The following ADGB variants were observed in gnomAD, a reference collection of about 807,000 sequenced individuals.
The protein encoded by ADGB is calpain-7-like protein.
In ADGB, 172 loss-of-function variants were observed where a neutral mutation model predicts 210.5. The observed-to-expected ratio is 0.82, with a 90% CI of 0.72 to 0.93. The LOEUF (loss-of-function observed/expected upper bound fraction) is 0.93. Ranked by LOEUF, ADGB falls within the 40% of genes least tolerant of loss-of-function variation. The pLI is 0.00. For missense variants in ADGB, 2,025 were observed against 1,964.8 expected, an observed-to-expected ratio of 1.03 and a Z score of -0.58; for synonymous variants, 658 against 662.7, an observed-to-expected ratio of 0.99 and a Z score of 0.11.
chr6:146,698,653 T>G (rs1244237563), intron 12 of ADGB, among the ~76,000 whole-genome samples: 1 of 152,188 alleles, frequency 6.6e-6, no homozygotes, highest in East Asian at 1.9e-4. Flanking sequence ...GACAGCTTTA[T>G]AACCAGAAAA....
At chr6:146,673,686 T>G (rs769011040) in intron 8 of ADGB, among the ~76,000 whole-genome samples, 1 of 152,120 alleles carries the variant, frequency 6.6e-6, no homozygotes, top group Non-Finnish European at 1.5e-5. Flanking sequence ...AACTTGACAA[T>G]GATGACTGGT....
intron 27 of ADGB, among the ~76,000 whole-genome samples, chr6:146,761,031 A>G (rs1325525418): frequency 6.6e-6 from 1 of 151,922 alleles, no homozygotes; most frequent in Non-Finnish European, 1.5e-5. Context: ...TGCCAATATG[A>G]TCTTTTAGTC....
At chr6:146,689,264 CTAATTG>C (rs1776270917) in intron 10 of ADGB, among the ~76,000 whole-genome samples, 1 of 152,150 alleles carries the variant, frequency 6.6e-6, no homozygotes, top group Non-Finnish European at 1.5e-5. Flanking sequence ...CCCTCATCCC[CTAATTG>C]TAATCCAAGG....
chr6:146,728,237 C>T (rs970412749), intron 19 of ADGB, among the ~76,000 whole-genome samples: 1 of 152,154 alleles, frequency 6.6e-6, no homozygotes, highest in African/African-American at 2.4e-5. Context: ...TCCCTGAAAT[C>T]TCTGTTCGTC....
At chr6:146,784,135 C>G (rs565171307) in intron 30 of ADGB, among the ~76,000 whole-genome samples, 1 of 152,204 alleles carries the variant, frequency 6.6e-6, no homozygotes, top group African/African-American at 2.4e-5. Flanking sequence ...AGATAATTCC[C>G]GAGTTTATGG....
At chr6:146,748,197 T>C (rs1404246817) in intron 26 of ADGB, among the ~76,000 whole-genome samples, 1 of 151,970 alleles carries the variant, frequency 6.6e-6, no homozygotes, top group Non-Finnish European at 1.5e-5. Context: ...GGCAGCAGTG[T>C]GTTGAATGAA....
intron 13 of ADGB, among the ~76,000 whole-genome samples, chr6:146,706,845 G>GGTT (rs1378595301): frequency 9.9e-6 from 1 of 100,710 alleles, no homozygotes; most frequent in Admixed American, 9.9e-5. Context: ...TCAGCTTAGT[G>GGTT]TTTTTTTTTT....
intron 5 of ADGB, among the ~76,000 whole-genome samples, chr6:146,660,858 T>G (rs1158583852): frequency 1.3e-5 from 2 of 152,194 alleles, no homozygotes; most frequent in African/African-American, 4.8e-5. Flanking sequence ...ATAGAACATT[T>G]ATATTTGATG....
chr6:146,660,813 A>T (rs182211593), intron 5 of ADGB, among the ~76,000 whole-genome samples: 2 of 152,286 alleles, frequency 1.3e-5, no homozygotes, highest in African/African-American at 4.8e-5. Flanking sequence ...TTTGATAAGT[A>T]TATTCAAGTT....
chr6:146,803,838 C>G (rs1778170251), intron 35 of ADGB: 3 of 376,650 alleles, frequency 8.0e-6, no homozygotes, highest in Non-Finnish European at 1.4e-5. Context: ...GCCATTCAAA[C>G]GCGGCCGCGC....
chr6:146,776,341 ATTAAAG>A (rs202226717), intron 29 of ADGB, among the ~76,000 whole-genome samples: 2,404 of 152,230 alleles, frequency 0.016, 32 homozygotes, highest in Middle Eastern at 0.044. Flanking sequence ...AGCTTTACAT[ATTAAAG>A]TTAAACAATC....
chr6:146,806,184 G>C (rs181602427), intron 35 of ADGB, among the ~76,000 whole-genome samples: 111 of 152,286 alleles, frequency 7.3e-4, no homozygotes, highest in African/African-American at 2.5e-3. Flanking sequence ...CAGCAGATAG[G>C]AAACGGGGAA....
intron 10 of ADGB, among the ~76,000 whole-genome samples, chr6:146,688,631 C>T (rs1434656555): frequency 6.6e-6 from 1 of 152,098 alleles, no homozygotes; most frequent in Non-Finnish European, 1.5e-5. Context: ...CTGGAATTAG[C>T]CCAGTGTCTG....
At chr6:146,618,788 A>T (rs894097242) in intron 1 of ADGB, among the ~76,000 whole-genome samples, 1 of 152,000 alleles carries the variant, frequency 6.6e-6, no homozygotes, top group Non-Finnish European at 1.5e-5. Flanking sequence ...TGTCCTGGAG[A>T]ATGTTTCATG....
intron 7 of ADGB, among the ~76,000 whole-genome samples, chr6:146,668,418 A>G (rs1364998378): frequency 2.0e-5 from 3 of 152,108 alleles, no homozygotes; most frequent in Non-Finnish European, 4.4e-5. Context: ...CTTTGTTCAC[A>G]TAAAAGTATT....
chr6:146,722,163 CT>C (rs1333964956), intron 17 of ADGB, among the ~76,000 whole-genome samples: 1 of 152,092 alleles, frequency 6.6e-6, no homozygotes, highest in African/African-American at 2.4e-5. Context: ...ATCTTTTCCT[CT>C]ATCCCACCTT....
intron 20 of ADGB, among the ~76,000 whole-genome samples, chr6:146,729,285 C>T (rs1776944501): frequency 6.6e-6 from 1 of 152,218 alleles, no homozygotes; most frequent in Non-Finnish European, 1.5e-5. Flanking sequence ...TTAACACTCA[C>T]ACTATTGACA....
chr6:146,784,895 G>C, intron 31 of ADGB, 101 bp downstream of exon 31: 1 of 1,190,666 alleles, frequency 8.4e-7, no homozygotes, highest in South Asian at 1.7e-5. Context: ...CTGTCCTTTA[G>C]TAATGGTATC....
chr6:146,630,387 A>G (rs564073468), intron 1 of ADGB, among the ~76,000 whole-genome samples: 13 of 152,104 alleles, frequency 8.5e-5, no homozygotes, highest in African/African-American at 3.1e-4. Flanking sequence ...TAAGGCCATA[A>G]AAAAAGAAGA....
Sources: gnomAD v4.1 joint callset for allele counts (sites outside exome capture counted in the v4.1 genomes callset) on GRCh38, gnomAD v4.1.1 for gene constraint, MANE v1.5 for transcripts, NCBI Gene and HGNC (gene_info 2026-07-23, HGNC 2026-07-21) for gene names.